The following RERE variants were observed in gnomAD, a reference collection of about 807,000 sequenced individuals.
The protein encoded by RERE is arginine-glutamic acid dipeptide repeats, also known as arginine-glutamic acid dipeptide repeats protein.
In RERE, 40 loss-of-function variants were observed where a neutral mutation model predicts 146.1. That is an observed-to-expected ratio of 0.27 (90% CI 0.21 to 0.36). The LOEUF is 0.36. RERE is among the 10% of genes least tolerant of loss of function. The pLI is 1.00. For synonymous variants in RERE, 1,003 were observed against 866.0 expected, an observed-to-expected ratio of 1.16 and a Z score of -2.78; for missense variants, 1,933 against 2,138.7, an observed-to-expected ratio of 0.90 and a Z score of 1.90.
chr1:8,473,184 G>A (rs577136993), intron 10 of RERE, among the ~76,000 whole-genome samples: 3 of 152,152 alleles, frequency 2.0e-5, no homozygotes, highest in East Asian at 3.9e-4. Flanking sequence ...TGTTCATTGT[G>A]AAAGAACAAA....
chr1:8,433,167 C>A lies in RERE; in HGVS notation c.1204-10360G>T, dbSNP rs147860003. 1.7e-3 allele frequency among the ~76,000 whole-genome samples: 265 copies of A among 152,326 alleles called. 2 individuals are homozygous for A. Among genetic ancestry groups the A allele is most frequent in the Middle Eastern group, 0.017 (5 of 294 alleles). On this transcript the variant is annotated intron_variant, in intron 11 of 22. Transcript: ENST00000400908. ...ACTGGTAACTAGCCCTATCTCAGGA[C>A]TACTGTGTTCCTGGGTGCAAGATGG...
Position 8,795,460 on chromosome 1 carries a change from T to C in RERE, c.-145+21700A>G, listed in dbSNP as rs76483067. On this transcript the variant is annotated intron_variant, in intron 1 of 22. Transcript: ENST00000400908. ...CTATAGACATGCCACATATCCAGCATGCATTTTTATATTTTCAAGGTATTT... is the reference window on the plus strand; with the variant it reads ...CTATAGACATGCCACATATCCAGCACGCATTTTTATATTTTCAAGGTATTT... 5.0e-3 allele frequency among the ~76,000 whole-genome samples: 759 copies of C among 152,118 alleles called. 4 individuals are homozygous for C. The highest frequency in any genetic ancestry group is 0.018 in the African/African-American group (730 of 41,482).
At chr1:8,528,624 A>G (rs1645598963) in intron 7 of RERE, among the ~76,000 whole-genome samples, 1 of 152,218 alleles carries the variant, frequency 6.6e-6, no homozygotes, top group African/African-American at 2.4e-5. Context: ...CAACTTTCTG[A>G]GCACCAACAT....
intron 1 of RERE, among the ~76,000 whole-genome samples, chr1:8,675,276 C>T (rs572785109): frequency 6.6e-6 from 1 of 151,986 alleles, no homozygotes; most frequent in African/African-American, 2.4e-5. Context: ...ATATATAGGC[C>T]TGTCACTTTC....
At chr1:8,699,242 G>C (rs1012163082) in intron 1 of RERE, among the ~76,000 whole-genome samples, 2 of 152,114 alleles carry the variant, frequency 1.3e-5, no homozygotes, top group African/African-American at 4.8e-5. Context: ...TTATTTTCTG[G>C]TATGAGAAAA....
At chr1:8,391,024 C>T (rs912673592) in intron 12 of RERE, among the ~76,000 whole-genome samples, 2 of 152,202 alleles carry the variant, frequency 1.3e-5, no homozygotes, top group South Asian at 4.1e-4. Flanking sequence ...CTTCCATGAT[C>T]ACACTGACTC....
At chr1:8,460,059 C>G (rs1644505982) in intron 11 of RERE, among the ~76,000 whole-genome samples, 1 of 152,184 alleles carries the variant, frequency 6.6e-6, no homozygotes, top group Non-Finnish European at 1.5e-5. Context: ...TCATTGTCCT[C>G]CTTGCTGTTT....
At chr1:8,720,857 A>G (rs112104220) in intron 1 of RERE, among the ~76,000 whole-genome samples, 2,158 of 152,232 alleles carry the variant, frequency 0.014, 23 homozygotes, top group Non-Finnish European at 0.022. Context: ...GGAGTTTGAG[A>G]CCAGCCTGAC....
intron 1 of RERE, among the ~76,000 whole-genome samples, chr1:8,669,544 T>C (rs1638666231): frequency 1.3e-5 from 2 of 152,116 alleles, no homozygotes; most frequent in African/African-American, 4.8e-5. Context: ...CAAACAAAGG[T>C]GCATCTGGCT....
At chr1:8,653,931 G>T (rs1483423422) in intron 2 of RERE, among the ~76,000 whole-genome samples, 1 of 151,646 alleles carries the variant, frequency 6.6e-6, no homozygotes, top group African/African-American at 2.4e-5. Flanking sequence ...CCTCCACTCT[G>T]ATCAATTTAT....
At chr1:8,437,431 ATT>A (rs555077431) in intron 11 of RERE, among the ~76,000 whole-genome samples, 392 of 152,108 alleles carry the variant, frequency 2.6e-3, no homozygotes, top group African/African-American at 9.3e-3. Flanking sequence ...ACAGGTGATC[ATT>A]GTTTTTTTTT....
chr1:8,450,185 C>T (rs1285337221), intron 11 of RERE, among the ~76,000 whole-genome samples: 4 of 152,124 alleles, frequency 2.6e-5, no homozygotes, highest in Admixed American at 2.6e-4. Context: ...ATATATTCTA[C>T]AGCCAACACT....
In RERE at chr1:8,354,862, T is replaced by C. The variant is rs1410683481; in HGVS notation, c.*225A>G. 3.5e-6 allele frequency: 2 copies of C among 576,782 alleles called. No homozygotes were observed. Among genetic ancestry groups the C allele is most frequent in the Non-Finnish European group, 6.1e-6 (2 of 328,534 alleles). The allele number at this position is 576,782 out of a possible 1,614,324, so 35.7% of individuals were successfully genotyped here. ...TCAGTCCAGTCCAGGACTCACTAAGTTTCTGGGGGACTGTCATGCAGGGAG... is the reference window on the plus strand; with the variant it reads ...TCAGTCCAGTCCAGGACTCACTAAGCTTCTGGGGGACTGTCATGCAGGGAG... On this transcript the variant is annotated 3_prime_UTR_variant, in exon 23 of 23. Coordinates refer to ENST00000400908, the MANE Select transcript of RERE (RefSeq NM_001042681.2).
intron 1 of RERE, among the ~76,000 whole-genome samples, chr1:8,794,123 C>T (rs528308957): frequency 1.1e-4 from 17 of 149,358 alleles, no homozygotes; most frequent in East Asian, 5.9e-4. Flanking sequence ...GAAGGCTGGG[C>T]GCGGTGGCTC....
At chr1:8,388,100 G>A (rs976854495) in intron 12 of RERE, among the ~76,000 whole-genome samples, 2 of 152,276 alleles carry the variant, frequency 1.3e-5, no homozygotes, top group Admixed American at 6.5e-5. Context: ...CGGGATAAAG[G>A]GGAATGAAAA....
intron 11 of RERE, among the ~76,000 whole-genome samples, chr1:8,426,039 T>A (rs1377727401): frequency 6.6e-6 from 1 of 152,104 alleles, no homozygotes; most frequent in Non-Finnish European, 1.5e-5. Context: ...AGAGCCACAC[T>A]CTGTAAAATG....
At chr1:8,796,177 G>C (rs1352389386) in intron 1 of RERE, among the ~76,000 whole-genome samples, 4 of 151,974 alleles carry the variant, frequency 2.6e-5, no homozygotes, top group African/African-American at 4.8e-5. Flanking sequence ...ATTCAAATGG[G>C]CACTACACAA....
At chr1:8,371,405 G>A (rs1421303486) in intron 12 of RERE, among the ~76,000 whole-genome samples, 4 of 152,128 alleles carry the variant, frequency 2.6e-5, no homozygotes, top group Non-Finnish European at 5.9e-5. Flanking sequence ...CCCACAAAAA[G>A]AAAAACAAGG....
At chr1:8,619,321 T>C (rs1315698806) in intron 3 of RERE, among the ~76,000 whole-genome samples, 1 of 152,198 alleles carries the variant, frequency 6.6e-6, no homozygotes, top group African/African-American at 2.4e-5. Context: ...AAGGAATCTC[T>C]GTATCTGGCT....
Sources: gnomAD v4.1 joint callset for allele counts (sites outside exome capture counted in the v4.1 genomes callset) on GRCh38, gnomAD v4.1.1 for gene constraint, MANE v1.5 for transcripts, NCBI Gene and HGNC (gene_info 2026-07-23, HGNC 2026-07-21) for gene names.